Variants in MARK3 observed in about 807,000 individuals in gnomAD.
MARK3 encodes the protein microtubule affinity regulating kinase 3.
Under a neutral mutation model 90.1 loss-of-function variants are expected in MARK3, and 46 were observed. That is an observed-to-expected ratio of 0.51 (90% CI 0.40 to 0.65). The LOEUF (loss-of-function observed/expected upper bound fraction) is 0.65, where lower values mean the gene tolerates loss of function less well. Among genes scored for constraint, MARK3 ranks in the 30% least tolerant of loss-of-function variants. The pLI is 0.00. For missense variants in MARK3, 818 were observed against 947.2 expected, an observed-to-expected ratio of 0.86 and a Z score of 1.79; for synonymous variants, 321 against 332.6, an observed-to-expected ratio of 0.97 and a Z score of 0.38.
At chr14:103,443,080 A>C (rs2092903634) in intron 3 of MARK3, among the ~76,000 whole-genome samples, 1 of 152,202 alleles carries the variant, frequency 6.6e-6, no homozygotes, top group African/African-American at 2.4e-5. Context: ...TTAAATTATT[A>C]TAAAGGAACC....
intron 2 of MARK3, among the ~76,000 whole-genome samples, chr14:103,414,662 T>G (rs2091856676): frequency 1.3e-5 from 2 of 152,236 alleles, no homozygotes. Flanking sequence ...GGACTTAATT[T>G]GTTCTGAGTC....
At position 103,405,935 on chromosome 14, in the gene MARK3, A is replaced by T. The variant is rs149998597; in HGVS notation, c.243+668A>T. Among the ~76,000 whole-genome samples, 150 of 150,498 alleles carry T rather than the reference A, an allele frequency of 1.0e-3. 5 individuals are homozygous for T. The East Asian group carries it at 0.026, about 26-fold the overall frequency. On this transcript the variant is annotated intron_variant, in intron 2 of 17. Transcript: ENST00000429436. ...AGACAGGGCCTTGCCCTGTCACCCG[A>T]GCTGGAGTGCAGTGGCTCAATCATG...
intron 13 of MARK3, 49 bp downstream of exon 13, chr14:103,475,259 C>A: frequency 6.7e-7 from 1 of 1,499,496 alleles, no homozygotes; most frequent in Non-Finnish European, 9.3e-7. Flanking sequence ...AGGGTTGGAA[C>A]CAGCTAGACA....
intron 2 of MARK3, among the ~76,000 whole-genome samples, chr14:103,407,400 C>T (rs191810989): frequency 7.2e-5 from 11 of 152,056 alleles, no homozygotes; most frequent in East Asian, 5.8e-4. Flanking sequence ...TATGTTTAAT[C>T]GGTTATTGTG....
chr14:103,419,959 G>A (rs1039279543), intron 2 of MARK3, among the ~76,000 whole-genome samples: 1 of 151,376 alleles, frequency 6.6e-6, no homozygotes, highest in Non-Finnish European at 1.5e-5. Context: ...AATAGCCACT[G>A]CCTGGGGAAC....
In MARK3 at chr14:103,466,057, T is replaced by C; in HGVS notation, c.863T>C (p.Leu288Pro). Residue 288 changes from leucine to proline, a missense_variant, in exon 9 of 18, where the codon CTG becomes CCG. Transcript: ENST00000429436. ...TDCENLLKRF[L>P]VLNPIKRGTL... ...TGTGAAAACCTTCTCAAACGTTTCC[T>C]GGTGCTAAATCCAATTAAACGCGGC... 6.2e-7 allele frequency: 1 copy of C among 1,614,062 alleles called. No homozygotes were observed. The highest frequency in any genetic ancestry group is 8.5e-7 in the Non-Finnish European group (1 of 1,180,018).
chr14:103,478,498 G>A (rs2093758554), intron 13 of MARK3, among the ~76,000 whole-genome samples: 1 of 151,104 alleles, frequency 6.6e-6, no homozygotes, highest in African/African-American at 2.4e-5. Context: ...CTTTGACTCA[G>A]CATAATGTTT....
intron 1 of MARK3, among the ~76,000 whole-genome samples, chr14:103,400,365 A>G (rs1161530471): frequency 1.3e-5 from 2 of 152,190 alleles, no homozygotes; most frequent in Non-Finnish European, 2.9e-5. Context: ...TTGGGAAAAC[A>G]AGTATTTGGC....
chr14:103,475,256 G>T, intron 13 of MARK3, 46 bp downstream of exon 13: 2 of 1,524,900 alleles, frequency 1.3e-6, no homozygotes, highest in Non-Finnish European at 1.8e-6. Flanking sequence ...GGTAGGGTTG[G>T]AACCAGCTAG....
chr14:103,458,320 A>G (rs538460434), intron 6 of MARK3, among the ~76,000 whole-genome samples: 119 of 152,146 alleles, frequency 7.8e-4, no homozygotes, highest in African/African-American at 2.7e-3. Flanking sequence ...TTAGCCGGGC[A>G]TGATGGCAGG....
chr14:103,494,969 A>G (rs548904606), intron 15 of MARK3, among the ~76,000 whole-genome samples: 1 of 152,358 alleles, frequency 6.6e-6, no homozygotes, highest in South Asian at 2.1e-4. Flanking sequence ...TATTCATTTT[A>G]TACATATAAA....
At chr14:103,496,476 G>A (rs962461317) in intron 15 of MARK3, among the ~76,000 whole-genome samples, 1 of 151,630 alleles carries the variant, frequency 6.6e-6, no homozygotes, top group African/African-American at 2.4e-5. Context: ...GCAGTGGCAC[G>A]ATCTTGGTTC....
intron 5 of MARK3, among the ~76,000 whole-genome samples, chr14:103,456,680 C>CCTTTT (rs1230016764): frequency 2.0e-5 from 3 of 152,212 alleles, no homozygotes; most frequent in Non-Finnish European, 4.4e-5. Context: ...ATCTTGTGTT[C>CCTTTT]ACTGCTGCAT....
chr14:103,474,684 G>T (rs1350995748), intron 12 of MARK3, among the ~76,000 whole-genome samples: 1 of 151,990 alleles, frequency 6.6e-6, no homozygotes, highest in Admixed American at 6.6e-5. Context: ...TGCTTGTTAC[G>T]TATGCATCTA....
chr14:103,434,272 C>T (rs17841064), intron 3 of MARK3, among the ~76,000 whole-genome samples: 51,835 of 151,954 alleles, frequency 0.34, 9,331 homozygotes, highest in East Asian at 0.49. Context: ...CCAAGTTGTC[C>T]GCTCTACCAT....
intron 1 of MARK3, among the ~76,000 whole-genome samples, chr14:103,395,379 T>C (rs1255783045): frequency 1.3e-5 from 2 of 151,740 alleles, no homozygotes; most frequent in African/African-American, 4.8e-5. Context: ...AAGTTGTGTC[T>C]TGGTTTTTTT....
At chr14:103,444,444 T>G (rs1393859188) in intron 3 of MARK3, among the ~76,000 whole-genome samples, 1 of 152,202 alleles carries the variant, frequency 6.6e-6, no homozygotes, top group African/African-American at 2.4e-5. Flanking sequence ...AACATCTATT[T>G]AAGATTGAAA....
intron 12 of MARK3, among the ~76,000 whole-genome samples, chr14:103,470,455 A>ATTTTTTTTTTTT (rs6145477): frequency 0.011 from 620 of 54,988 alleles, 203 homozygotes; most frequent in East Asian, 0.014. Flanking sequence ...AACTAAATCT[A>ATTTTTTTTTTTT]TTTTTTTTTT....
Position 103,466,011 on chromosome 14 carries a change from C to G in MARK3, c.817C>G (p.Pro273Ala). 6.2e-7 allele frequency: 1 copy of G among 1,613,852 alleles called. No homozygotes were observed. The highest frequency in any genetic ancestry group is 8.5e-7 in the Non-Finnish European group (1 of 1,179,850). ...ERVLRGKYRI[P>A]FYMSTDCENL... The stretch of plus-strand genomic sequence containing the variant: ...AGTATTAAGAGGGAAATACAGAATT[C>G]CCTTCTACATGTCTACAGACTGTGA... Residue 273 changes from proline (P) to alanine (A), a missense_variant, in exon 9 of 18, where the codon CCC (proline) becomes GCC (alanine). Coordinates refer to ENST00000429436, the MANE Select transcript of MARK3 (RefSeq NM_001128918.3).
Sources: allele counts gnomAD v4.1 joint callset (sites outside exome capture counted in the v4.1 genomes callset), GRCh38; gene constraint gnomAD v4.1.1; transcripts MANE v1.5; gene names NCBI Gene and HGNC (gene_info 2026-07-23, HGNC 2026-07-21).